The following PUS7 variants were observed in gnomAD, a reference collection of about 807,000 sequenced individuals.
PUS7 encodes the protein pseudouridine synthase 7, also known as pseudouridylate synthase 7 homolog.
Under a neutral mutation model 79.8 loss-of-function variants are expected in PUS7, and 48 were observed. The observed-to-expected ratio is 0.60, with a 90% CI of 0.48 to 0.76. The LOEUF (loss-of-function observed/expected upper bound fraction) is 0.76, where lower values mean the gene tolerates loss of function less well. PUS7 is among the 30% of genes least tolerant of loss of function. The pLI is 0.00. For synonymous variants in PUS7, 286 were observed against 272.2 expected (o/e 1.05, Z -0.50); for missense variants, 729 against 797.6 (o/e 0.91, Z 1.04).
At chr7:105,501,406 A>G (rs1196274171) in intron 5 of PUS7, among the ~76,000 whole-genome samples, 2 of 152,118 alleles carry the variant, frequency 1.3e-5, no homozygotes, top group African/African-American at 4.8e-5. Flanking sequence ...GAAAAAAAAA[A>G]TTACCTAATT....
intron 9 of PUS7, among the ~76,000 whole-genome samples, chr7:105,480,543 G>A (rs1018046266): frequency 1.3e-5 from 2 of 152,176 alleles, no homozygotes; most frequent in African/African-American, 4.8e-5. Context: ...TTGGGAGGCT[G>A]AGGTCGGGGG....
At position 105,458,650 on chromosome 7, in the gene PUS7, A is replaced by G. The variant is rs188888570; in HGVS notation, c.1849+518T>C. ...TGCAGTGGCGTGATCTTGGCTCACT[A>G]CAAGCTCCGCCTTCTGTGTTCACAC... is the stretch of plus-strand genomic sequence containing the variant. On this transcript the variant is annotated intron_variant, in intron 15 of 15. Transcript: ENST00000469408. Among the ~76,000 whole-genome samples the G allele has an allele frequency of 3.0e-3, 428 of 144,756 alleles. 5 individuals are homozygous for G. The highest frequency in any genetic ancestry group is 5.0e-3 in the East Asian group (25 of 4,960). 95.0% of individuals were successfully genotyped at this position (144,756 alleles called of 152,430 possible). A position where few individuals can be genotyped will look rare whatever the true frequency, so the allele number is the denominator to read the frequency against.
intron 14 of PUS7, 112 bp downstream of exon 14, chr7:105,462,509 A>G: frequency 8.9e-7 from 1 of 1,120,370 alleles, no homozygotes; most frequent in Non-Finnish European, 1.3e-6. Context: ...CATATAAGCA[A>G]TCTGTCACTG....
intron 1 of PUS7, among the ~76,000 whole-genome samples, chr7:105,515,972 G>A (rs1219690162): frequency 6.6e-6 from 1 of 152,046 alleles, no homozygotes; most frequent in Non-Finnish European, 1.5e-5. Context: ...ACCAAGCCCA[G>A]CTAATTTTTT....
chr7:105,496,990 T>A (rs1825063443), intron 5 of PUS7: 20 of 1,205,094 alleles, frequency 1.7e-5, no homozygotes, highest in Non-Finnish European at 2.1e-5. Flanking sequence ...ATGCACAGCA[T>A]AAAGAGCACA....
rs746841245 is a variant in PUS7 at position 105,505,146 on chromosome 7, C to A, written c.585+809G>T. On this transcript the variant is annotated intron_variant, in intron 4 of 15. Coordinates refer to ENST00000469408, the MANE Select transcript of PUS7 (RefSeq NM_019042.5). ...CTCCCAAGTAGCTGGGACTACAGGCCTGCGCTACCACGCTTGGCTAATTTT... is the reference window on the plus strand; with the variant it reads ...CTCCCAAGTAGCTGGGACTACAGGCATGCGCTACCACGCTTGGCTAATTTT... Among the ~76,000 whole-genome samples, 3 of 151,552 alleles carry A rather than the reference C, an allele frequency of 2.0e-5. No homozygotes were observed. In the East Asian group the frequency reaches 5.8e-4, roughly 29 times the overall value.
chr7:105,509,513 C>T (rs1825623253), intron 1 of PUS7, among the ~76,000 whole-genome samples: 1 of 152,126 alleles, frequency 6.6e-6, no homozygotes, highest in African/African-American at 2.4e-5. Flanking sequence ...CTCTTTCACC[C>T]AGTCTGGTGT....
rs182669665 is a variant in PUS7, at chr7:105,508,434, C to T, written c.79G>A (p.Val27Ile). ...AGCTTCTGTTTTTTTGTCTCTTCAA[C>T]TGGGACTCCACTGTCATTATCTTCG... is the stretch of plus-strand genomic sequence containing the variant. Reference protein sequence around the residue: ...VVEDNDSGVPVEETKKQKLSE... With the variant: ...VVEDNDSGVPIEETKKQKLSE... Residue 27 changes from valine to isoleucine, a missense_variant, in exon 2 of 16, where the codon GTT (valine) becomes ATT (isoleucine). Val to Ile is a conservative substitution (Grantham distance 29). Coordinates refer to ENST00000469408, the MANE Select transcript of PUS7 (RefSeq NM_019042.5). The T allele has an allele frequency of 4.3e-6, 7 of 1,614,162 alleles. No homozygotes were observed. Among genetic ancestry groups the T allele is most frequent in the Non-Finnish European group, 5.9e-6 (7 of 1,180,034 alleles).
chr7:105,506,239 C>G lies in PUS7; in HGVS notation c.433G>C (p.Asp145His). ...SDFVVHEIGK[D>H]GRISHLNDLS... The stretch of plus-strand genomic sequence containing the variant: ...TCATTCAAATGGCTGATCCGTCCAT[C>G]TTTTCCTATTTCATGAACAACGAAG... The change falls in exon 3 of 16, where the codon GAT (aspartate) becomes CAT (histidine). Residue 145 changes from aspartate to histidine, a missense_variant. Coordinates refer to ENST00000469408, the MANE Select transcript of PUS7 (RefSeq NM_019042.5). 1.9e-6 allele frequency: 3 copies of G among 1,613,400 alleles called. No homozygotes were observed. The highest frequency in any genetic ancestry group is 2.5e-6 in the Non-Finnish European group (3 of 1,179,742).
intron 7 of PUS7, among the ~76,000 whole-genome samples, chr7:105,490,855 G>A (rs1227837849): frequency 1.3e-5 from 2 of 152,178 alleles, no homozygotes; most frequent in Non-Finnish European, 2.9e-5. Flanking sequence ...ACAATGCCTA[G>A]AGACATTCTT....
At position 105,479,409 on chromosome 7, in the gene PUS7, T is replaced by G. The variant is rs6976702; in HGVS notation, c.1175+1643A>C. Among the ~76,000 whole-genome samples, 584 of 152,290 alleles carry G rather than the reference T, an allele frequency of 3.8e-3. 4 individuals carry two copies. Among genetic ancestry groups the G allele is most frequent in the African/African-American group, 0.013 (560 of 41,560 alleles). On this transcript the variant is annotated intron_variant, in intron 9 of 15. Coordinates refer to ENST00000469408, the MANE Select transcript of PUS7 (RefSeq NM_019042.5). ...AGCAATTGATGAGTTCAGGCAGACC[T>G]CTCAAAGCCTAAGTTTGCTAACATG...
chr7:105,462,694 T>A lies in PUS7; in HGVS notation c.1684A>T (p.Arg562Ter). 6.2e-7 allele frequency: 1 copy of A among 1,613,690 alleles called. No individual in the cohort carries two copies. The highest frequency in any genetic ancestry group is 8.5e-7 in the Non-Finnish European group (1 of 1,179,770). The change falls in exon 14 of 16, where the codon AGA (arginine) becomes TGA (stop). Residue 562 changes from arginine (R) to a stop codon, truncating the protein, a stop_gained. Transcript: ENST00000469408. LOFTEE classifies it high-confidence loss of function. ...AAGGAATAATCTCGAATTTTGTGTCTCATGTTGTCAATATCAAGATTGTCA... is the reference window on the plus strand; with the variant it reads ...AAGGAATAATCTCGAATTTTGTGTCACATGTTGTCAATATCAAGATTGTCA... The part of the protein sequence containing the change: ...TADNLDIDNM[R>*]HKIRDYSLSG...
chr7:105,501,564 T>C (rs943178133), intron 5 of PUS7, among the ~76,000 whole-genome samples: 4 of 152,168 alleles, frequency 2.6e-5, no homozygotes, highest in Non-Finnish European at 2.9e-5. Context: ...TGTCTTTCTA[T>C]ATATTCCATA....
At chr7:105,506,759 G>C (rs1224461764) in intron 2 of PUS7, among the ~76,000 whole-genome samples, 1 of 151,958 alleles carries the variant, frequency 6.6e-6, no homozygotes, top group Non-Finnish European at 1.5e-5. Context: ...GCCATACCTT[G>C]GCTCAAGTTT....
At chr7:105,460,727 G>A (rs986492995) in intron 14 of PUS7, among the ~76,000 whole-genome samples, 5 of 150,842 alleles carry the variant, frequency 3.3e-5, no homozygotes, top group African/African-American at 7.3e-5. Flanking sequence ...GGTAGCGGGC[G>A]CCTGTAGTCC....
At chr7:105,495,312 C>T in intron 5 of PUS7, 59 bp from the exon 6 acceptor site, 1 of 1,000,000 alleles carries the variant, frequency 1.0e-6, no homozygotes, top group Non-Finnish European at 1.5e-6. Context: ...GATGTAAGAG[C>T]TCATTTTTCG....
Position 105,458,050 on chromosome 7 carries a change from G to T in PUS7, c.1850-124C>A, listed in dbSNP as rs1227276994. 6 of 1,076,408 alleles carry T rather than the reference G, an allele frequency of 5.6e-6. No homozygotes were observed. The Admixed American group carries it at 1.9e-4, about 35-fold the overall frequency. The allele number at this position is 1,076,408 out of a possible 1,614,324, so 66.7% of individuals were successfully genotyped here. ...CTTTCCTTAGACTCCACTTCCTAGG[G>T]GGCCTTGGAGAATGAGACCATGGAA... On this transcript the variant is annotated intron_variant, in intron 15 of 15. Coordinates refer to ENST00000469408, the MANE Select transcript of PUS7 (RefSeq NM_019042.5).
chr7:105,469,623 C>A (rs1823794237), intron 11 of PUS7, among the ~76,000 whole-genome samples: 1 of 152,174 alleles, frequency 6.6e-6, no homozygotes, highest in African/African-American at 2.4e-5. Flanking sequence ...CCACGCCTGG[C>A]TATTTTTTGT....
Position 105,514,040 on chromosome 7 carries a change from C to A in PUS7, c.-32-5496G>T, listed in dbSNP as rs1178034232. ...AGTCAGGAGATCGAAACCAACCTGG[C>A]TAACATGGTGAAACCCCGTCTCTAC... On this transcript the variant is annotated intron_variant, in intron 1 of 15. Transcript: ENST00000469408. Among the ~76,000 whole-genome samples, 18 of 134,076 alleles carry A rather than the reference C, an allele frequency of 1.3e-4. 2 individuals carry two copies. The highest frequency in any genetic ancestry group is 2.1e-4 in the Non-Finnish European group (13 of 61,842). The allele number at this position is 134,076 out of a possible 152,430, so 88.0% of individuals were successfully genotyped here. A position where few individuals can be genotyped will look rare whatever the true frequency, so the allele number is the denominator to read the frequency against.
Sources: allele counts gnomAD v4.1 joint callset (sites outside exome capture counted in the v4.1 genomes callset), GRCh38; gene constraint gnomAD v4.1.1; transcripts MANE v1.5; gene names NCBI Gene and HGNC (gene_info 2026-07-23, HGNC 2026-07-21).